The following SNTB2 variants were observed in gnomAD, a reference collection of about 807,000 sequenced individuals.
The protein encoded by SNTB2 is beta-2-syntrophin.
Under a neutral mutation model 46.2 loss-of-function variants are expected in SNTB2, and 34 were observed. The ratio of observed to expected loss-of-function variants is 0.74; its 90% CI spans 0.56 to 0.98. SNTB2 has a LOEUF of 0.98. Ranked by LOEUF, SNTB2 falls within the 50% of genes least tolerant of loss-of-function variation. The probability of loss-of-function intolerance (pLI) is 0.00; values close to 1 mark genes in which losing one functional copy is unlikely to be tolerated. For missense variants in SNTB2, 603 were observed against 731.4 expected, an observed-to-expected ratio of 0.82 and a Z score of 2.02; for synonymous variants, 290 against 312.6, an observed-to-expected ratio of 0.93 and a Z score of 0.76.
At chr16:69,278,559 G>A (rs1486936207) in intron 4 of SNTB2, among the ~76,000 whole-genome samples, 4 of 151,298 alleles carry the variant, frequency 2.6e-5, no homozygotes, top group East Asian at 2.0e-4. Flanking sequence ...GGGTTCAAGC[G>A]ATTCTCCTGC....
chr16:69,308,152 C>T lies in SNTB2; in HGVS notation c.*7228C>T, dbSNP rs1032946695. On this transcript the variant is annotated 3_prime_UTR_variant, in exon 7 of 7. Coordinates refer to ENST00000336278, the MANE Select transcript of SNTB2 (RefSeq NM_006750.4). Reference sequence around the variant, plus strand: ...GCCTTCAGTGTCTTGTTCTTTAAACCTACCCTTTGACAATCAGGTGCTAAT... The same window carrying T: ...GCCTTCAGTGTCTTGTTCTTTAAACTTACCCTTTGACAATCAGGTGCTAAT... 6.6e-6 allele frequency: 1 copy of T among 152,664 alleles called. No homozygotes were observed. The highest frequency in any genetic ancestry group is 2.4e-5 in the African/African-American group (1 of 41,452). The allele number at this position is 152,664 out of a possible 1,614,324, so 9.5% of individuals were successfully genotyped here. A position where few individuals can be genotyped will look rare whatever the true frequency, so the allele number is the denominator to read the frequency against.
intron 1 of SNTB2, chr16:69,235,800 T>C (rs1483696507): frequency 2.3e-6 from 3 of 1,289,268 alleles, no homozygotes; most frequent in Admixed American, 2.3e-5. Flanking sequence ...CATCAGCTGC[T>C]GTACTAAGTT....
chr16:69,305,377 A>G lies in SNTB2; in HGVS notation c.*4453A>G, dbSNP rs574384634. ...TATGTTCTTATTATTTTCACTGGTT[A>G]TAAGCTATTCCTTGTACATAATATT... On this transcript the variant is annotated 3_prime_UTR_variant, in exon 7 of 7. Transcript: ENST00000336278. 2.6e-4 allele frequency: 39 copies of G among 152,362 alleles called. No individual in the cohort carries two copies. Among genetic ancestry groups the G allele is most frequent in the African/African-American group, 8.9e-4 (37 of 41,562 alleles). The allele number at this position is 152,362 out of a possible 1,614,324, so 9.4% of individuals were successfully genotyped here.
chr16:69,223,816 G>C (rs1448122445), intron 1 of SNTB2, among the ~76,000 whole-genome samples: 1 of 152,090 alleles, frequency 6.6e-6, no homozygotes, highest in Non-Finnish European at 1.5e-5. Flanking sequence ...TTTGTTTGTA[G>C]AGACGGGGTT....
intron 2 of SNTB2, among the ~76,000 whole-genome samples, chr16:69,246,911 G>C (rs1964675485): frequency 1.9e-5 from 2 of 102,592 alleles, no homozygotes; most frequent in African/African-American, 7.3e-5. Context: ...GGTGGGGGGA[G>C]GGGGGAGGGA....
intron 1 of SNTB2, among the ~76,000 whole-genome samples, chr16:69,208,612 C>G (rs2152291482): frequency 6.6e-6 from 1 of 152,056 alleles, no homozygotes; most frequent in South Asian, 2.1e-4. Flanking sequence ...TCTGTATTTG[C>G]CAGAGGCACA....
At chr16:69,259,809 C>T (rs543268290) in intron 2 of SNTB2, among the ~76,000 whole-genome samples, 5 of 146,144 alleles carry the variant, frequency 3.4e-5, no homozygotes, top group African/African-American at 7.6e-5. Context: ...AGAGTTTCAC[C>T]GTGTTGCCCA....
intron 5 of SNTB2, among the ~76,000 whole-genome samples, chr16:69,299,332 G>A (rs893132902): frequency 2.6e-5 from 4 of 151,854 alleles, no homozygotes; most frequent in East Asian, 3.9e-4. Flanking sequence ...TAGTAGAGAC[G>A]GGGTTTCACC....
intron 1 of SNTB2, among the ~76,000 whole-genome samples, chr16:69,195,770 C>T (rs1964099618): frequency 6.6e-6 from 1 of 152,122 alleles, no homozygotes; most frequent in African/African-American, 2.4e-5. Flanking sequence ...TCCAATAGTT[C>T]TGCTTTGCCA....
At chr16:69,191,330 T>C (rs1045925749) in intron 1 of SNTB2, 1 of 143,460 alleles carries the variant, frequency 7.0e-6, no homozygotes, top group Non-Finnish European at 1.5e-5. Flanking sequence ...GGAAGATCAT[T>C]TGAGGCTGAG....
chr16:69,255,896 G>GTT (rs1027569228), intron 2 of SNTB2, among the ~76,000 whole-genome samples: 2 of 150,080 alleles, frequency 1.3e-5, no homozygotes, highest in African/African-American at 4.9e-5. Context: ...AAAAAAATTG[G>GTT]TTGGGGTGGG....
At chr16:69,217,515 A>G (rs1375277699) in intron 1 of SNTB2, among the ~76,000 whole-genome samples, 2 of 152,228 alleles carry the variant, frequency 1.3e-5, no homozygotes, top group East Asian at 1.9e-4. Context: ...ACTTACTCTC[A>G]TAACTGGTGA....
intron 3 of SNTB2, among the ~76,000 whole-genome samples, chr16:69,262,763 GCCT>G (rs1173060058): frequency 1.3e-5 from 2 of 151,890 alleles, no homozygotes; most frequent in African/African-American, 4.8e-5. Flanking sequence ...TGCAACCTCT[GCCT>G]CCCAAGTTCA....
intron 1 of SNTB2, among the ~76,000 whole-genome samples, chr16:69,194,661 A>G (rs1964086012): frequency 6.6e-6 from 1 of 152,194 alleles, no homozygotes; most frequent in Non-Finnish European, 1.5e-5. Flanking sequence ...TCCATGTTCC[A>G]ATCATGTGGC....
intron 1 of SNTB2, among the ~76,000 whole-genome samples, chr16:69,243,537 T>C (rs1302994163): frequency 2.0e-5 from 3 of 152,252 alleles, no homozygotes; most frequent in African/African-American, 4.8e-5. Flanking sequence ...AGGGTTCTTT[T>C]CTAACCACTA....
chr16:69,264,652 C>T (rs373545855), intron 3 of SNTB2, among the ~76,000 whole-genome samples: 7 of 151,946 alleles, frequency 4.6e-5, no homozygotes, highest in Non-Finnish European at 8.8e-5. Flanking sequence ...ACCTAAGTTA[C>T]GCCTGTCCGA....
intron 1 of SNTB2, among the ~76,000 whole-genome samples, chr16:69,214,003 T>C (rs1042336039): frequency 2.0e-5 from 3 of 149,222 alleles, no homozygotes; most frequent in Admixed American, 2.0e-4. Flanking sequence ...TTTGTAGTTT[T>C]TAGTAGAGAT....
At chr16:69,265,310 C>G (rs1048042496) in intron 3 of SNTB2, among the ~76,000 whole-genome samples, 9 of 152,126 alleles carry the variant, frequency 5.9e-5, no homozygotes, top group African/African-American at 2.2e-4. Context: ...TACTTTATGC[C>G]TTTTAACTCT....
intron 2 of SNTB2, among the ~76,000 whole-genome samples, chr16:69,253,375 C>T (rs959467134): frequency 2.6e-5 from 4 of 151,780 alleles, no homozygotes; most frequent in African/African-American, 9.7e-5. Flanking sequence ...ACTGGCCGGG[C>T]GTGGTGCCTC....
Sources: gnomAD v4.1 joint callset for allele counts (sites outside exome capture counted in the v4.1 genomes callset) on GRCh38, gnomAD v4.1.1 for gene constraint, MANE v1.5 for transcripts, NCBI Gene and HGNC (gene_info 2026-07-23, HGNC 2026-07-21) for gene names.